The following LITAF variants were observed in gnomAD, a reference collection of about 807,000 sequenced individuals.
LITAF encodes the protein lipopolysaccharide induced TNF factor, also known as lipopolysaccharide-induced tumor necrosis factor-alpha factor.
A neutral mutation model predicts 14.5 loss-of-function variants in LITAF; 9 were observed. The ratio of observed to expected loss-of-function variants is 0.62; its 90% CI spans 0.37 to 1.08. LITAF has a LOEUF of 1.08. LITAF is among the 50% of genes least tolerant of loss of function. The probability of loss-of-function intolerance (pLI) is 0.01; values close to 1 mark genes in which losing one functional copy is unlikely to be tolerated. For synonymous variants in LITAF, 98 were observed against 88.2 expected (o/e 1.11, Z -0.62); for missense variants, 206 against 213.4 (o/e 0.97, Z 0.22).
chr16:11,603,494 G>C (rs116670046), upstream of LITAF, among the ~76,000 whole-genome samples: 663 of 152,276 alleles, frequency 4.4e-3, 5 homozygotes, highest in African/African-American at 0.015. Flanking sequence ...AAGGAAACAC[G>C]CCTTGAGATG....
chr16:11,555,455 G>C (rs1054347234), intron 2 of LITAF, among the ~76,000 whole-genome samples: 1 of 152,126 alleles, frequency 6.6e-6, no homozygotes, highest in Non-Finnish European at 1.5e-5. Context: ...GAGCTCAGGA[G>C]TTAAAGATCA....
At chr16:11,550,931 G>A (rs551260604) in intron 3 of LITAF, among the ~76,000 whole-genome samples, 4 of 152,096 alleles carry the variant, frequency 2.6e-5, no homozygotes, top group Admixed American at 1.3e-4. Context: ...TAAAACAGGC[G>A]CCTGGCTCCA....
At chr16:11,552,659 T>C (rs756308300) in intron 3 of LITAF, among the ~76,000 whole-genome samples, 11 of 151,970 alleles carry the variant, frequency 7.2e-5, no homozygotes, top group Non-Finnish European at 1.5e-4. Flanking sequence ...GAAGACCAAT[T>C]TCTGGGGACG....
At chr16:11,576,127 G>T (rs367886864) in intron 1 of LITAF, among the ~76,000 whole-genome samples, 2 of 152,096 alleles carry the variant, frequency 1.3e-5, no homozygotes, top group South Asian at 4.1e-4. Flanking sequence ...CTCCCAAAGC[G>T]TTGGGATTAC....
intron 3 of LITAF, among the ~76,000 whole-genome samples, chr16:11,630,631 T>A (rs1279308260): frequency 6.8e-6 from 1 of 147,488 alleles, no homozygotes; most frequent in Non-Finnish European, 1.5e-5. Context: ...TAGGCTGGAG[T>A]GCAGTGGTGA....
chr16:11,610,024 CT>C (rs2064974282), intron 3 of LITAF, among the ~76,000 whole-genome samples: 1 of 152,244 alleles, frequency 6.6e-6, no homozygotes, highest in South Asian at 2.1e-4. Context: ...GGCCACCAAT[CT>C]CTGCAGCCTT....
At chr16:11,587,837 TAC>T (rs2064823612), upstream of LITAF, among the ~76,000 whole-genome samples, 1 of 152,064 alleles carries the variant, frequency 6.6e-6, no homozygotes, top group Non-Finnish European at 1.5e-5. Context: ...GCTTTCAGAG[TAC>T]ACAGAGTCAG....
chr16:11,592,025 T>A (rs544027621), upstream of LITAF, among the ~76,000 whole-genome samples: 18 of 152,352 alleles, frequency 1.2e-4, no homozygotes, highest in African/African-American at 3.8e-4. Context: ...TAAATCTTCA[T>A]GACCTTGGAT....
At position 11,553,410 on chromosome 16, in the gene LITAF, CAA is replaced by C; in HGVS notation, c.377+121_377+122del. The C allele has an allele frequency of 9.2e-7, 1 of 1,083,174 alleles. No homozygotes were observed. The allele number at this position is 1,083,174 out of a possible 1,614,324, so 67.1% of individuals were successfully genotyped here. A position where few individuals can be genotyped will look rare whatever the true frequency, so the allele number is the denominator to read the frequency against. On this transcript the variant is annotated intron_variant, in intron 3 of 3. Transcript: ENST00000622633. This position sits in a 1 kb window ranked among gnomAD's most constrained non-coding sequence, Gnocchi z 7.7. ...TGGGCGACAGAACCAGATTCCATCT[CAA>C]AAAAAAACAACACAAATGTCTGGCC...
rs563025859 is a variant in LITAF at position 11,605,654 on chromosome 16, G to A, written c.85+27879C>T. The stretch of plus-strand genomic sequence containing the variant: ...AGAAAAAGTAAAGCAGCAGCCAGCC[G>A]GGCACGGAGGCCAAGGCAGGAGGAT... On this transcript the variant is annotated intron_variant, in intron 3 of 3. Transcript: ENST00000574848. This position sits in a 1 kb window ranked among gnomAD's most constrained non-coding sequence, Gnocchi z 4.7. Among the ~76,000 whole-genome samples the A allele has an allele frequency of 2.6e-5, 4 of 152,302 alleles. No individual in the cohort carries two copies. Among genetic ancestry groups the A allele is most frequent in the African/African-American group, 9.6e-5 (4 of 41,578 alleles).
chr16:11,626,884 T>C (rs1471349505), intron 3 of LITAF, among the ~76,000 whole-genome samples: 1 of 151,890 alleles, frequency 6.6e-6, no homozygotes, highest in Non-Finnish European at 1.5e-5. Flanking sequence ...TCTCTGTCGC[T>C]CAGGATGGAG....
Position 11,578,655 on chromosome 16 carries a change from AATGTCATGTGC to A in LITAF, c.-6+8220_-6+8230del, listed in dbSNP as rs1373127368. Among the ~76,000 whole-genome samples, 23 of 152,354 alleles carry A rather than the reference AATGTCATGTGC, an allele frequency of 1.5e-4. No homozygotes were observed. In the South Asian group the frequency reaches 3.1e-3, roughly 21 times the overall value. ...TCTCTCCCTTGATATTAACATCTGC[AATGTCATGTGC>A]ATGTCATGTGCCCTCTGATGTGACA... On this transcript the variant is annotated intron_variant, in intron 1 of 3. Transcript: ENST00000622633.
At chr16:11,630,480 C>G (rs1030446002) in intron 3 of LITAF, among the ~76,000 whole-genome samples, 1 of 152,168 alleles carries the variant, frequency 6.6e-6, no homozygotes, top group African/African-American at 2.4e-5. Context: ...CTCCTGTGCC[C>G]CGCCTGCTCC....
intron 3 of LITAF, among the ~76,000 whole-genome samples, chr16:11,604,666 A>T (rs2064945667): frequency 7.9e-6 from 1 of 126,152 alleles, no homozygotes; most frequent in East Asian, 2.4e-4. Flanking sequence ...AAAAAAAAAA[A>T]GAATCTACTA....
rs113812895 is a variant in LITAF at position 11,569,277 on chromosome 16, A to C, written c.-5-12542T>G. 2.0e-3 allele frequency among the ~76,000 whole-genome samples: 308 copies of C among 152,040 alleles called. 2 individuals are homozygous for C. The highest frequency in any genetic ancestry group is 7.0e-3 in the African/African-American group (289 of 41,484). On this transcript the variant is annotated intron_variant, in intron 1 of 3. Coordinates refer to ENST00000622633, the MANE Select transcript of LITAF (RefSeq NM_001136472.2). Reference sequence around the variant, plus strand: ...TGTTTTTGAGAAGGAATCTCACTCTATTGCACAGGCTGGAGTACAGTGGCA... The same window carrying C: ...TGTTTTTGAGAAGGAATCTCACTCTCTTGCACAGGCTGGAGTACAGTGGCA...
At chr16:11,587,306 C>G (rs1165551129), upstream of LITAF, 1 of 445,324 alleles carries the variant, frequency 2.2e-6, no homozygotes, top group South Asian at 1.6e-5. Flanking sequence ...CCCCGCGCCG[C>G]TCCACCACTT....
At chr16:11,611,439 T>C (rs964289518) in intron 3 of LITAF, among the ~76,000 whole-genome samples, 1 of 152,212 alleles carries the variant, frequency 6.6e-6, no homozygotes, top group Admixed American at 6.5e-5. Flanking sequence ...GATATACTTA[T>C]ACTAAAAAAT....
At chr16:11,624,825 G>C (rs564784192) in intron 3 of LITAF, among the ~76,000 whole-genome samples, 1 of 152,310 alleles carries the variant, frequency 6.6e-6, no homozygotes, top group South Asian at 2.1e-4. Flanking sequence ...CTCGAGACTT[G>C]CTTTGACCAA....
chr16:11,587,911 C>T (rs938119967), upstream of LITAF, among the ~76,000 whole-genome samples: 1 of 152,060 alleles, frequency 6.6e-6, no homozygotes, highest in Non-Finnish European at 1.5e-5. Context: ...AGGGAGCTTC[C>T]GAGCCCCATG....
Sources: gnomAD v4.1 joint callset for allele counts (sites outside exome capture counted in the v4.1 genomes callset) on GRCh38, gnomAD v4.1.1 for gene constraint, Gnocchi (gnomAD v3.1) non-coding constraint, MANE v1.5 for transcripts, NCBI Gene and HGNC (gene_info 2026-07-23, HGNC 2026-07-21) for gene names.